The following GYG1 variants were observed in gnomAD, a reference collection of about 807,000 sequenced individuals.
The protein encoded by GYG1 is glycogenin 1.
Under a neutral mutation model 41.9 loss-of-function variants are expected in GYG1, and 44 were observed. The ratio of observed to expected loss-of-function variants is 1.05; its 90% confidence interval spans 0.83 to 1.35. The LOEUF is 1.35. Among genes scored for constraint, GYG1 ranks in the 40% most tolerant of loss-of-function variants. The pLI, the probability that GYG1 is intolerant of heterozygous loss-of-function variation, is 0.00. For synonymous variants in GYG1, 141 were observed against 158.1 expected (o/e 0.89, Z 0.81); for missense variants, 429 against 418.9 (o/e 1.02, Z -0.21).
chr3:149,029,032 A>C lies in GYG1; in HGVS notation c.*2099A>C, dbSNP rs1371811857. 6.6e-6 allele frequency among the ~76,000 whole-genome samples: 1 copy of C among 152,204 alleles called. No homozygotes were observed. The highest frequency in any genetic ancestry group is 1.5e-5 in the Non-Finnish European group (1 of 68,040). On this transcript the variant is annotated 3_prime_UTR_variant, in exon 8 of 8. Transcript: ENST00000345003. ...GCACCCAGCAAATTTTTAAATTTCAAATAAGTAGTGAAGGCTATTATTAAC... is the reference window on the plus strand; with the variant it reads ...GCACCCAGCAAATTTTTAAATTTCACATAAGTAGTGAAGGCTATTATTAAC...
chr3:149,003,588 G>A (rs942245128), intron 4 of GYG1, among the ~76,000 whole-genome samples: 3 of 152,216 alleles, frequency 2.0e-5, no homozygotes, highest in South Asian at 2.1e-4. Context: ...TAAAGAAGTC[G>A]TTCTTCAAAA....
intron 5 of GYG1, among the ~76,000 whole-genome samples, chr3:149,016,160 C>T (rs1329133238): frequency 2.0e-5 from 3 of 149,416 alleles, no homozygotes; most frequent in Non-Finnish European, 4.4e-5. Context: ...ACTCAGGAGG[C>T]TGAGGCAGGA....
In GYG1 at chr3:149,028,696, T is replaced by A. The variant is rs1284218839; in HGVS notation, c.*1763T>A. 6.7e-6 allele frequency among the ~76,000 whole-genome samples: 1 copy of A among 148,884 alleles called. No individual in the cohort carries two copies. Among genetic ancestry groups the A allele is most frequent in the East Asian group, 2.0e-4 (1 of 5,072 alleles). On this transcript the variant is annotated 3_prime_UTR_variant, in exon 8 of 8. Coordinates refer to ENST00000345003, the MANE Select transcript of GYG1 (RefSeq NM_004130.4). The stretch of plus-strand genomic sequence containing the variant: ...AAGCTCTAAGGTGGAAAAGCTGACA[T>A]AGTTTTAAATTTTTTTTTTTTTTTT...
chr3:149,014,371 A>G (rs1713901508), intron 5 of GYG1, among the ~76,000 whole-genome samples: 1 of 152,158 alleles, frequency 6.6e-6, no homozygotes, highest in South Asian at 2.1e-4. Context: ...TGCTCTGACA[A>G]TAGCAAAAAG....
rs112803753 is a variant in GYG1, at chr3:149,016,843, G to T, written c.609-7210G>T. ...AGTTGGTTGTGGGAGAAGGGCTTGT[G>T]TGTGGCTCTGCCCATGTGGGCAAGT... On this transcript the variant is annotated intron_variant, in intron 5 of 7. Transcript: ENST00000345003. 3.3e-4 allele frequency among the ~76,000 whole-genome samples: 50 copies of T among 152,342 alleles called. 1 individual carries two copies. The highest frequency in any genetic ancestry group is 1.0e-3 in the African/African-American group (43 of 41,578).
At chr3:149,023,303 C>T (rs544286406) in intron 5 of GYG1, among the ~76,000 whole-genome samples, 15 of 152,300 alleles carry the variant, frequency 9.8e-5, no homozygotes, top group Middle Eastern at 6.8e-3. Context: ...GTGTCCTCCC[C>T]CTGAGGAGGC....
At chr3:149,005,658 C>G (rs973822616) in intron 4 of GYG1, among the ~76,000 whole-genome samples, 6 of 152,182 alleles carry the variant, frequency 3.9e-5, no homozygotes, top group Non-Finnish European at 7.4e-5. Flanking sequence ...TACATGTTAG[C>G]ATCATAATGG....
chr3:148,995,968 A>G (rs746291981), intron 2 of GYG1, among the ~76,000 whole-genome samples: 14 of 152,142 alleles, frequency 9.2e-5, no homozygotes, highest in Non-Finnish European at 2.1e-4. Flanking sequence ...GCCCTTACAC[A>G]TTTTTGCAAG....
intron 5 of GYG1, among the ~76,000 whole-genome samples, chr3:149,015,084 T>C (rs1286322891): frequency 6.6e-6 from 1 of 152,224 alleles, no homozygotes; most frequent in African/African-American, 2.4e-5. Context: ...ATGTGACTGT[T>C]ACAGGTTTGT....
intron 1 of GYG1, among the ~76,000 whole-genome samples, chr3:148,993,663 C>T (rs571032550): frequency 1.0e-3 from 159 of 152,296 alleles, no homozygotes; most frequent in African/African-American, 3.3e-3. Flanking sequence ...TACATACATA[C>T]ATTCCTGAGG....
At chr3:148,991,680 G>A in intron 1 of GYG1, 33 bp downstream of exon 1, 2 of 1,495,250 alleles carry the variant, frequency 1.3e-6, no homozygotes, top group Non-Finnish European at 1.8e-6. Flanking sequence ...CGCCAGCCCC[G>A]GGACCCCGGC....
At chr3:149,025,714 C>T (rs776395867) in intron 6 of GYG1, among the ~76,000 whole-genome samples, 10 of 152,192 alleles carry the variant, frequency 6.6e-5, no homozygotes, top group Middle Eastern at 3.4e-3. Context: ...GGGCCTCAAA[C>T]GCAGGTCTGA....
At position 148,996,861 on chromosome 3, in the gene GYG1, C is replaced by T; in HGVS notation, c.438C>T (p.Tyr146=). The change falls in exon 4 of 8, where the codon TAC becomes TAT. Residue 146 remains tyrosine (Y), a synonymous_variant. Transcript: ENST00000345003. ...TTTATCAGCCTTCAGTTGAAACATACAATCAGCTGTTGCATCTTGCTTCTG... is the reference window on the plus strand; with the variant it reads ...TTTATCAGCCTTCAGTTGAAACATATAATCAGCTGTTGCATCTTGCTTCTG... ...VFVYQPSVET[Y]NQLLHLASEQ... 6.2e-7 allele frequency: 1 copy of T among 1,613,656 alleles called. No individual in the cohort carries two copies. The highest frequency in any genetic ancestry group is 1.7e-4 in the Middle Eastern group (1 of 6,058).
intron 6 of GYG1, among the ~76,000 whole-genome samples, chr3:149,025,519 T>C (rs148575040): frequency 8.0e-4 from 122 of 152,300 alleles, no homozygotes; most frequent in Non-Finnish European, 1.4e-3. Context: ...ACCTGGCACA[T>C]AGTAAATGCT....
intron 6 of GYG1, 74 bp downstream of exon 6, chr3:149,024,346 G>T (rs1244501752): frequency 5.5e-6 from 5 of 913,172 alleles, no homozygotes; most frequent in African/African-American, 3.3e-5. Context: ...TAGAGATGTG[G>T]AATATTTAGC....
intron 4 of GYG1, among the ~76,000 whole-genome samples, chr3:148,998,560 T>A (rs935355872): frequency 1.3e-5 from 2 of 152,196 alleles, no homozygotes; most frequent in African/African-American, 4.8e-5. Flanking sequence ...CCATAATGTA[T>A]GGCAGCATCT....
rs1353162955 is a variant in GYG1, at chr3:149,009,157, T to C, written c.482-119T>C. The C allele has an allele frequency of 1.1e-4, 74 of 650,176 alleles. 1 individual carries two copies. The South Asian group carries it at 1.3e-3, about 11-fold the overall frequency. 40.3% of individuals were successfully genotyped at this position (650,176 alleles called of 1,614,324 possible). A position where few individuals can be genotyped will look rare whatever the true frequency, so the allele number is the denominator to read the frequency against. On this transcript the variant is annotated intron_variant, in intron 4 of 7. Transcript: ENST00000345003. ...TTGGGTGACAGAGCGAGACTCCGTC[T>C]CAAAAAAAAAAAAAAAATGGAATTA... is the stretch of plus-strand genomic sequence containing the variant.
chr3:149,011,236 C>T (rs981266652), intron 5 of GYG1, among the ~76,000 whole-genome samples: 3 of 152,172 alleles, frequency 2.0e-5, no homozygotes, highest in Admixed American at 6.5e-5. Context: ...AAAATACAAA[C>T]GTGTCTCACA....
In GYG1 at chr3:149,029,800, G is replaced by A. The variant is rs753659148; in HGVS notation, c.*2867G>A. 2.0e-5 allele frequency among the ~76,000 whole-genome samples: 3 copies of A among 152,130 alleles called. No individual in the cohort carries two copies. Among genetic ancestry groups the A allele is most frequent in the South Asian group, 2.1e-4 (1 of 4,834 alleles). ...CCAATTCTAGAGCTGTAATTTTAAG[G>A]ACAAAATGTACAATGATTGATTAAG... On this transcript the variant is annotated 3_prime_UTR_variant, in exon 8 of 8. Coordinates refer to ENST00000345003, the MANE Select transcript of GYG1 (RefSeq NM_004130.4).
Sources: gnomAD v4.1 joint callset for allele counts (sites outside exome capture counted in the v4.1 genomes callset) on GRCh38, gnomAD v4.1.1 for gene constraint, MANE v1.5 for transcripts, NCBI Gene and HGNC (gene_info 2026-07-23, HGNC 2026-07-21) for gene names.